Variants in SEMA3A observed in about 807,000 individuals in gnomAD.
SEMA3A encodes semaphorin 3A.
Under a neutral mutation model 97.9 loss-of-function variants are expected in SEMA3A, and 29 were observed. The ratio of observed to expected loss-of-function variants is 0.30; its 90% CI spans 0.22 to 0.40. The LOEUF is 0.40. SEMA3A is among the 10% of genes least tolerant of loss of function. The probability of loss-of-function intolerance (pLI) is 1.00; values close to 1 mark genes in which losing one functional copy is unlikely to be tolerated. For missense variants in SEMA3A, 763 were observed against 951.3 expected (o/e 0.80, Z 2.60); for synonymous variants, 321 against 323.7 (o/e 0.99, Z 0.09).
intron 3 of SEMA3A, among the ~76,000 whole-genome samples, chr7:84,279,887 T>A (rs995006885): frequency 3.3e-5 from 5 of 152,114 alleles, no homozygotes; most frequent in African/African-American, 1.2e-4. Flanking sequence ...TATTCATATA[T>A]TTTTATTTTT....
In SEMA3A at chr7:84,329,964, C is replaced by T. The variant is rs1254413499; in HGVS notation, c.-168-22672G>A. On this transcript the variant is annotated intron_variant, in intron 2 of 3. Transcript: ENST00000424555. The stretch of plus-strand genomic sequence containing the variant: ...CTGCTGGTTTAATTGATGTGTTTCA[C>T]TATTTGATTAATTCAATAATAGTGA... Among the ~76,000 whole-genome samples the T allele has an allele frequency of 3.9e-5, 6 of 151,960 alleles. No homozygotes were observed. In the South Asian group the frequency reaches 1.2e-3, roughly 31 times the overall value.
At chr7:84,292,703 T>A (rs1215555496) in intron 3 of SEMA3A, among the ~76,000 whole-genome samples, 2 of 152,064 alleles carry the variant, frequency 1.3e-5, no homozygotes. Flanking sequence ...ATTAGTGACG[T>A]TATGGTCCAC....
At position 84,007,442 on chromosome 7, in the gene SEMA3A, C is replaced by T. The variant is rs1790713359; in HGVS notation, c.1051G>A (p.Val351Met). 6.2e-7 allele frequency: 1 copy of T among 1,606,662 alleles called. No homozygotes were observed. The highest frequency in any genetic ancestry group is 1.7e-5 in the Admixed American group (1 of 58,924). Reference protein sequence around the residue: ...CMYSMSDVRRVFLGPYAHRDG... With the variant: ...CMYSMSDVRRMFLGPYAHRDG... ...CTGTGGGCATATGGACCAAGGAACA[C>T]CCTTCTCACATCACTCATGCTATAC... The change falls in exon 10 of 17, where the codon GTG becomes ATG. Residue 351 changes from valine to methionine, a missense_variant. By Grantham distance (21) the Val-to-Met change is conservative. Around this residue, in one of 2 missense-constraint regions of SEMA3A, gnomAD observed 678 missense variants for 881.3 expected, o/e 0.77. Coordinates refer to ENST00000265362, the MANE Select transcript of SEMA3A (RefSeq NM_006080.3).
intron 3 of SEMA3A, among the ~76,000 whole-genome samples, chr7:84,111,345 T>C (rs1229578079): frequency 6.6e-6 from 1 of 152,176 alleles, no homozygotes; most frequent in Non-Finnish European, 1.5e-5. Flanking sequence ...CTCTATGACT[T>C]GCCACTTTTC....
rs948905795 is a variant in SEMA3A, at chr7:84,084,671, A to G, written c.454-24113T>C. On this transcript the variant is annotated intron_variant, in intron 4 of 16. Coordinates refer to ENST00000265362, the MANE Select transcript of SEMA3A (RefSeq NM_006080.3). ...ATTTGAACTTGCAAGTATTTGGGGG[A>G]AAAATGAATATAGTATATTAAATGT... Among the ~76,000 whole-genome samples, 6 of 152,106 alleles carry G rather than the reference A, an allele frequency of 3.9e-5. No individual in the cohort carries two copies. In the East Asian group the frequency reaches 7.7e-4, roughly 20 times the overall value.
At chr7:84,025,890 C>T (rs1215541783) in intron 6 of SEMA3A, among the ~76,000 whole-genome samples, 1 of 152,156 alleles carries the variant, frequency 6.6e-6, no homozygotes. Flanking sequence ...CTTCTACTGC[C>T]TCAAGCTACA....
intron 5 of SEMA3A, among the ~76,000 whole-genome samples, chr7:84,051,510 TTGTC>T (rs1792652581): frequency 6.6e-6 from 1 of 150,812 alleles, no homozygotes; most frequent in Non-Finnish European, 1.5e-5. Context: ...GGCTCTCTGT[TTGTC>T]TGTTGATGGT....
At chr7:84,052,002 C>A (rs1463742746) in intron 5 of SEMA3A, among the ~76,000 whole-genome samples, 1 of 151,484 alleles carries the variant, frequency 6.6e-6, no homozygotes, top group East Asian at 2.0e-4. Flanking sequence ...TGTTTATATG[C>A]TGGATTACAT....
At chr7:84,208,524 G>GT (rs1257597296) in intron 3 of SEMA3A, among the ~76,000 whole-genome samples, 2 of 152,130 alleles carry the variant, frequency 1.3e-5, no homozygotes, top group African/African-American at 4.8e-5. Flanking sequence ...GGGAGGCAAT[G>GT]TAAGACTAGC....
chr7:84,425,853 AACAC>A (rs368734761), intron 1 of SEMA3A, among the ~76,000 whole-genome samples: 10,591 of 110,252 alleles, frequency 0.096, 399 homozygotes, highest in East Asian at 0.24. Context: ...ATGTTTATAT[AACAC>A]ACACACACAC....
At chr7:84,425,413 C>CTATATTTATATGAATATAAATATAGGCA (rs1562943556) in intron 1 of SEMA3A, among the ~76,000 whole-genome samples, 3 of 125,386 alleles carry the variant, frequency 2.4e-5, no homozygotes, top group Non-Finnish European at 3.2e-5. Flanking sequence ...AAATATATGC[C>CTATATTTATATGAATATAAATATAGGCA]TATATTTATA....
chr7:84,009,713 G>A (rs1790800473), intron 9 of SEMA3A, among the ~76,000 whole-genome samples: 1 of 151,828 alleles, frequency 6.6e-6, no homozygotes, highest in African/African-American at 2.4e-5. Flanking sequence ...AATTGACAGC[G>A]AGAGACTTAG....
intron 1 of SEMA3A, among the ~76,000 whole-genome samples, chr7:84,428,274 G>A (rs938437285): frequency 6.6e-6 from 1 of 152,010 alleles, no homozygotes. Flanking sequence ...TTGTGTGAAA[G>A]CTTTGGGAAT....
chr7:84,062,999 C>T (rs1018868202), intron 4 of SEMA3A, among the ~76,000 whole-genome samples: 4 of 152,018 alleles, frequency 2.6e-5, no homozygotes, highest in African/African-American at 4.8e-5. Flanking sequence ...GCAGTAACCT[C>T]TGCAGACTTA....
chr7:84,199,113 G>A (rs1030880582), upstream of SEMA3A, among the ~76,000 whole-genome samples: 1 of 152,142 alleles, frequency 6.6e-6, no homozygotes, highest in Non-Finnish European at 1.5e-5. Context: ...TTGTGAGATA[G>A]CCGTCTAAGT....
chr7:84,063,202 G>A (rs991867040), intron 4 of SEMA3A, among the ~76,000 whole-genome samples: 2 of 151,576 alleles, frequency 1.3e-5, no homozygotes, highest in African/African-American at 4.8e-5. Flanking sequence ...ACCTGCAGCT[G>A]AGGGTCCTGT....
chr7:84,246,948 T>C (rs1485716589), intron 3 of SEMA3A, among the ~76,000 whole-genome samples: 1 of 152,148 alleles, frequency 6.6e-6, no homozygotes, highest in Non-Finnish European at 1.5e-5. Flanking sequence ...CAAAATGATA[T>C]AATGTAATAC....
intron 3 of SEMA3A, among the ~76,000 whole-genome samples, chr7:84,112,648 A>G (rs1795308548): frequency 6.6e-6 from 1 of 152,220 alleles, no homozygotes; most frequent in African/African-American, 2.4e-5. Flanking sequence ...TTATAGATTG[A>G]ATAACTGACT....
intron 15 of SEMA3A, among the ~76,000 whole-genome samples, chr7:83,966,049 CCA>C (rs1446349509): frequency 2.0e-5 from 3 of 151,798 alleles, no homozygotes; most frequent in African/African-American, 7.3e-5. Flanking sequence ...TCTAGTTAGT[CCA>C]CAGAGATAAT....
Sources: allele counts gnomAD v4.1 joint callset (sites outside exome capture counted in the v4.1 genomes callset), GRCh38; gene constraint gnomAD v4.1.1; regional missense constraint gnomAD v4.1.1; transcripts MANE v1.5; gene names NCBI Gene and HGNC (gene_info 2026-07-23, HGNC 2026-07-21).